SLK: variants seen among roughly 807,000 people sequenced by gnomAD.
SLK encodes STE20 like kinase.
A neutral mutation model predicts 147.7 loss-of-function variants in SLK; 67 were observed. The observed-to-expected ratio is 0.45, with a 90% confidence interval of 0.37 to 0.56. SLK has a LOEUF of 0.56. Ranked by LOEUF, SLK falls within the 20% of genes least tolerant of loss-of-function variation. The pLI is 0.00. For missense variants in SLK, 1,136 were observed against 1,438.8 expected, an observed-to-expected ratio of 0.79 and a Z score of 3.41; for synonymous variants, 441 against 475.0, an observed-to-expected ratio of 0.93 and a Z score of 0.93.
intron 1 of SLK, among the ~76,000 whole-genome samples, chr10:103,975,445 T>A (rs1843857944): frequency 6.6e-6 from 1 of 152,178 alleles, no homozygotes; most frequent in South Asian, 2.1e-4. Context: ...CAAGGCCTGT[T>A]AATTCTACCT....
intron 13 of SLK, among the ~76,000 whole-genome samples, chr10:104,011,828 A>G (rs771984352): frequency 9.2e-5 from 14 of 152,156 alleles, no homozygotes; most frequent in Non-Finnish European, 1.5e-4. Flanking sequence ...CCAAAGTGCT[A>G]GGATTACAGG....
intron 13 of SLK, among the ~76,000 whole-genome samples, chr10:104,013,301 T>C (rs1409106050): frequency 6.6e-6 from 1 of 152,244 alleles, no homozygotes; most frequent in Non-Finnish European, 1.5e-5. Flanking sequence ...TGGGAGTCCC[T>C]AAGACGGCAA....
chr10:104,011,298 A>G (rs1844396903), intron 13 of SLK, among the ~76,000 whole-genome samples: 1 of 152,242 alleles, frequency 6.6e-6, no homozygotes. Context: ...AAGTATGCCC[A>G]TTAAAACGCT....
rs186048260 is a variant in SLK, at chr10:103,969,216, G to A, written c.150+1321G>A. 6.6e-5 allele frequency among the ~76,000 whole-genome samples: 10 copies of A among 152,186 alleles called. 1 individual carries two copies. In the South Asian group the frequency reaches 1.9e-3, roughly 28 times the overall value. On this transcript the variant is annotated intron_variant, in intron 1 of 18. Coordinates refer to ENST00000369755, the MANE Select transcript of SLK (RefSeq NM_014720.4). ...ACTCCCGACCTCAGGTGATCCGCCC[G>A]CCTCGGCCTCCCAAAGTGCTAGGAT...
At chr10:103,968,620 A>G (rs1363760935) in intron 1 of SLK, among the ~76,000 whole-genome samples, 1 of 152,262 alleles carries the variant, frequency 6.6e-6, no homozygotes, top group Non-Finnish European at 1.5e-5. Context: ...CCTAAGGAAC[A>G]TATGAATGAT....
At chr10:104,007,609 A>G (rs1392789154) in intron 11 of SLK, among the ~76,000 whole-genome samples, 1 of 149,788 alleles carries the variant, frequency 6.7e-6, no homozygotes, top group Non-Finnish European at 1.5e-5. Context: ...TCCTGTCTCA[A>G]AAAGAAAAAA....
At chr10:103,990,562 C>T (rs1270528665) in intron 1 of SLK, 113 bp from the exon 2 acceptor site, 2 of 579,134 alleles carry the variant, frequency 3.5e-6, no homozygotes, top group Non-Finnish European at 5.6e-6. Context: ...TAAAAGACAG[C>T]CTAAACGTAA....
Position 104,025,760 on chromosome 10 carries a change from T to C in SLK, c.*40T>C, listed in dbSNP as rs1370786614. The C allele has an allele frequency of 6.3e-7, 1 of 1,580,862 alleles. No individual in the cohort carries two copies. Among genetic ancestry groups the C allele is most frequent in the Non-Finnish European group, 8.7e-7 (1 of 1,152,996 alleles). ...CTGTGCGTGGGTTTGGCTCTTTCAGTATGTCATTCTGTTCTCATCTTCTGC... is the reference window on the plus strand; with the variant it reads ...CTGTGCGTGGGTTTGGCTCTTTCAGCATGTCATTCTGTTCTCATCTTCTGC... On this transcript the variant is annotated 3_prime_UTR_variant, in exon 19 of 19. Coordinates refer to ENST00000369755, the MANE Select transcript of SLK (RefSeq NM_014720.4).
rs1237048868 is a variant in SLK, at chr10:104,025,794, C to T, written c.*74C>T. On this transcript the variant is annotated 3_prime_UTR_variant, in exon 19 of 19. Coordinates refer to ENST00000369755, the MANE Select transcript of SLK (RefSeq NM_014720.4). ...CTGTTCTCATCTTCTGCCACAGTCT[C>T]TCAGATAGCTCATGAAGACAATCAC... The T allele has an allele frequency of 2.3e-6, 3 of 1,282,344 alleles. No homozygotes were observed. The highest frequency in any genetic ancestry group is 2.1e-5 in the Admixed American group (1 of 48,330). 79.4% of individuals were successfully genotyped at this position (1,282,344 alleles called of 1,614,324 possible). A position where few individuals can be genotyped will look rare whatever the true frequency, so the allele number is the denominator to read the frequency against.
chr10:103,973,370 T>G (rs911158752), intron 1 of SLK, among the ~76,000 whole-genome samples: 1 of 152,220 alleles, frequency 6.6e-6, no homozygotes, highest in African/African-American at 2.4e-5. Context: ...CATTGATCTA[T>G]TTGTCTATTC....
intron 13 of SLK, among the ~76,000 whole-genome samples, chr10:104,012,702 C>T (rs1228199008): frequency 6.6e-6 from 1 of 152,174 alleles, no homozygotes; most frequent in Non-Finnish European, 1.5e-5. Context: ...CATGCTGCCT[C>T]TCATATTTAA....
chr10:104,020,757 A>G, intron 17 of SLK, 144 bp downstream of exon 17: 5 of 771,546 alleles, frequency 6.5e-6, no homozygotes, highest in Non-Finnish European at 8.2e-6. Flanking sequence ...GTACAGATCC[A>G]AATGAAGATC....
intron 4 of SLK, among the ~76,000 whole-genome samples, chr10:103,998,440 A>G (rs186890410): frequency 6.6e-6 from 1 of 152,290 alleles, no homozygotes; most frequent in East Asian, 1.9e-4. Context: ...AAGGTTCCCA[A>G]TTTTTTCTTG....
chr10:103,985,255 T>TG (rs1843997743), intron 1 of SLK, among the ~76,000 whole-genome samples: 1 of 152,196 alleles, frequency 6.6e-6, no homozygotes. Context: ...CTGGGGGTCT[T>TG]GGGATGTATT....
Position 104,025,634 on chromosome 10 carries a change from G to A in SLK, c.3622G>A (p.Gly1208Arg). 6.2e-7 allele frequency: 1 copy of A among 1,613,412 alleles called. No individual in the cohort carries two copies. The highest frequency in any genetic ancestry group is 8.5e-7 in the Non-Finnish European group (1 of 1,179,348). ...QEQEVFFKMT[G>R]ESECLNPSTQ... The stretch of plus-strand genomic sequence containing the variant: ...ACAGGAAGTATTCTTTAAAATGACT[G>A]GGGAGTCTGAATGCCTTAACCCATC... Residue 1208 changes from glycine to arginine, a missense_variant, in exon 19 of 19, where the codon GGG (glycine) becomes AGG (arginine). This residue lies in a region of SLK where 327 missense variants were observed against 457.5 expected (regional missense o/e 0.71). Coordinates refer to ENST00000369755, the MANE Select transcript of SLK (RefSeq NM_014720.4).
At chr10:103,973,503 G>A (rs1447162914) in intron 1 of SLK, among the ~76,000 whole-genome samples, 1 of 152,176 alleles carries the variant, frequency 6.6e-6, no homozygotes, top group African/African-American at 2.4e-5. Context: ...CAGTTAGCCT[G>A]GTTGAGTGCC....
At chr10:104,008,403 A>T in intron 12 of SLK, 47 bp downstream of exon 12, 1 of 1,381,440 alleles carries the variant, frequency 7.2e-7, no homozygotes, top group Non-Finnish European at 9.9e-7. Flanking sequence ...TTTTTTTAAA[A>T]AAATTGTTTT....
At chr10:103,995,036 A>G (rs887058093) in intron 4 of SLK, among the ~76,000 whole-genome samples, 29 of 152,218 alleles carry the variant, frequency 1.9e-4, no homozygotes, top group African/African-American at 6.7e-4. Flanking sequence ...GAATTCCATT[A>G]TTTTGTTTTC....
In SLK at chr10:104,002,586, G is replaced by A; in HGVS notation, c.1408G>A (p.Glu470Lys). The A allele has an allele frequency of 6.2e-7, 1 of 1,604,766 alleles. No individual in the cohort carries two copies. Among genetic ancestry groups the A allele is most frequent in the African/African-American group, 1.3e-5 (1 of 74,354 alleles). ...AAATATTGAACATAATCTAAAATCT[G>A]AGGAAGAAAAGGATCAGGAAAAGCA... ...ETNIEHNLKSEEEKDQEKQQM... is the reference protein window; with the variant it reads ...ETNIEHNLKSKEEKDQEKQQM... The change falls in exon 9 of 19, where the codon GAG becomes AAG. Residue 470 changes from glutamate (E) to lysine (K), a missense_variant. Transcript: ENST00000369755.
Sources: allele counts gnomAD v4.1 joint callset (sites outside exome capture counted in the v4.1 genomes callset), GRCh38; gene constraint gnomAD v4.1.1; regional missense constraint gnomAD v4.1.1; transcripts MANE v1.5; gene names NCBI Gene and HGNC (gene_info 2026-07-23, HGNC 2026-07-21).